The following TENM3 variants were observed in gnomAD, a reference collection of about 807,000 sequenced individuals.
TENM3 encodes the protein teneurin-3.
TENM3 carries 63 observed loss-of-function variants against 255.1 expected under a neutral mutation model. That is an observed-to-expected ratio of 0.25 (90% CI 0.20 to 0.30). The LOEUF (loss-of-function observed/expected upper bound fraction) is 0.30, where lower values mean the gene tolerates loss of function less well. Ranked by LOEUF, TENM3 falls within the 10% of genes least tolerant of loss-of-function variation. TENM3 has a pLI of 1.00. For missense variants in TENM3, 2,929 were observed against 3,461.1 expected, an observed-to-expected ratio of 0.85 and a Z score of 3.86; for synonymous variants, 1,306 against 1,322.3, an observed-to-expected ratio of 0.99 and a Z score of 0.27.
At chr4:181,583,526 G>A in the TENM3 span, among the ~76,000 whole-genome samples, 1,879 of 152,160 alleles carry the variant, frequency 0.012, 19 homozygotes, top group Non-Finnish European at 0.019. Context: ...CATTTAAACC[G>A]CCCTTGAAAA....
the TENM3 span, among the ~76,000 whole-genome samples, chr4:181,885,070 A>G: frequency 6.6e-5 from 10 of 152,252 alleles, no homozygotes; most frequent in South Asian, 8.3e-4. Flanking sequence ...TCATTGATCA[A>G]TATAACTATC....
chr4:182,601,313 AT>A (rs142717913), intron 4 of TENM3, among the ~76,000 whole-genome samples, 152 bp downstream of exon 4: 1 of 151,756 alleles, frequency 6.6e-6, no homozygotes, highest in Non-Finnish European at 1.5e-5. Flanking sequence ...GATTGTTGTG[AT>A]TTTTTTAGTT....
the TENM3 span, among the ~76,000 whole-genome samples, chr4:181,543,890 A>G: frequency 2.0e-5 from 3 of 152,246 alleles, no homozygotes; most frequent in Non-Finnish European, 2.9e-5. Flanking sequence ...TCCCATAATT[A>G]TATGTTGTTT....
At chr4:181,561,015 C>T in the TENM3 span, among the ~76,000 whole-genome samples, 2 of 152,094 alleles carry the variant, frequency 1.3e-5, no homozygotes, top group Non-Finnish European at 1.5e-5. Flanking sequence ...TGCAGTGACG[C>T]GATTTCAACT....
At chr4:182,475,200 T>C (rs1326546970) in intron 3 of TENM3, among the ~76,000 whole-genome samples, 1 of 152,192 alleles carries the variant, frequency 6.6e-6, no homozygotes, top group Non-Finnish European at 1.5e-5. Context: ...TTGGTATCTT[T>C]AAGTCGTTTC....
chr4:182,426,046 T>A (rs1480271651), intron 3 of TENM3, among the ~76,000 whole-genome samples: 1 of 128,386 alleles, frequency 7.8e-6, no homozygotes, highest in Non-Finnish European at 1.7e-5. Context: ...GAAGTAGAAA[T>A]TGGAGGTATT....
At chr4:182,778,368 G>T (rs1407945713) in intron 24 of TENM3, among the ~76,000 whole-genome samples, 1 of 152,218 alleles carries the variant, frequency 6.6e-6, no homozygotes, top group Admixed American at 6.5e-5. Flanking sequence ...CATTATGCCA[G>T]TCACATTTGC....
chr4:181,462,290 G>T, the TENM3 span, among the ~76,000 whole-genome samples: 174 of 152,166 alleles, frequency 1.1e-3, 2 homozygotes, highest in African/African-American at 4.1e-3. Context: ...AAGATCCAGG[G>T]GATGGGACCC....
At chr4:181,894,733 GAA>G in the TENM3 span, among the ~76,000 whole-genome samples, 8,948 of 137,214 alleles carry the variant, frequency 0.065, 327 homozygotes, top group African/African-American at 0.12. Context: ...GTCAGTGGCA[GAA>G]AAAAAAAAAA....
rs575456022 is a variant in TENM3, at chr4:182,800,363, C to T, written c.*12C>T. ...TCGGCAGGAGGTAACGCCCGGGCCG[C>T]GCCCGCCGAGCCGCTCACGCCCTGC... is the stretch of plus-strand genomic sequence containing the variant. On this transcript the variant is annotated 3_prime_UTR_variant, in exon 28 of 28. Transcript: ENST00000511685. 3,924 of 1,503,752 alleles carry T rather than the reference C, an allele frequency of 2.6e-3. 14 individuals carry two copies. Among genetic ancestry groups the T allele is most frequent in the Non-Finnish European group, 2.9e-3 (3,273 of 1,131,556 alleles). The allele number at this position is 1,503,752 out of a possible 1,614,324, so 93.2% of individuals were successfully genotyped here.
chr4:182,334,920 A>G (rs1200574056), intron 2 of TENM3, among the ~76,000 whole-genome samples: 1 of 152,148 alleles, frequency 6.6e-6, no homozygotes, highest in Non-Finnish European at 1.5e-5. Flanking sequence ...GAAGAGAATC[A>G]TTTTCTTATA....
rs561170405 is a variant in TENM3 at position 182,592,220 on chromosome 4, G to T, written c.512-8704G>T. 9.9e-5 allele frequency among the ~76,000 whole-genome samples: 15 copies of T among 150,868 alleles called. No individual in the cohort carries two copies. The East Asian group carries it at 1.8e-3, about 18-fold the overall frequency. On this transcript the variant is annotated intron_variant, in intron 3 of 27. Coordinates refer to ENST00000511685, the MANE Select transcript of TENM3 (RefSeq NM_001080477.4). ...TCTAATAGCTCCTGAAATGTAACCA[G>T]ATCAGGGAAGTGTTGTTACCTGAAG...
At chr4:182,177,312 CTT>C (rs1752558321) in intron 1 of TENM3, among the ~76,000 whole-genome samples, 1 of 152,028 alleles carries the variant, frequency 6.6e-6, no homozygotes, top group East Asian at 1.9e-4. Context: ...GCCCCAAACA[CTT>C]TCACTTTCTC....
intron 3 of TENM3, among the ~76,000 whole-genome samples, chr4:182,541,327 C>T (rs911274752): frequency 3.9e-5 from 6 of 152,086 alleles, no homozygotes; most frequent in Non-Finnish European, 7.4e-5. Flanking sequence ...TGTATAGAAA[C>T]GAAATATTTT....
chr4:182,576,904 C>A (rs1255151293), intron 3 of TENM3, among the ~76,000 whole-genome samples: 1 of 152,106 alleles, frequency 6.6e-6, no homozygotes, highest in Non-Finnish European at 1.5e-5. Context: ...ATGCAAATGC[C>A]GAAGCGGAAC....
intron 3 of TENM3, among the ~76,000 whole-genome samples, chr4:182,394,697 G>A (rs1311883629): frequency 6.6e-6 from 1 of 152,144 alleles, no homozygotes; most frequent in East Asian, 1.9e-4. Flanking sequence ...GAATCAAATT[G>A]ATTTTTAATT....
At chr4:181,662,498 T>C in the TENM3 span, among the ~76,000 whole-genome samples, 1 of 152,222 alleles carries the variant, frequency 6.6e-6, no homozygotes, top group Non-Finnish European at 1.5e-5. Context: ...ATGTTCCTTG[T>C]CCTTCTCTCG....
At chr4:182,273,466 G>A (rs774159391) in intron 1 of TENM3, among the ~76,000 whole-genome samples, 4 of 152,156 alleles carry the variant, frequency 2.6e-5, no homozygotes, top group South Asian at 2.1e-4. Flanking sequence ...TGATTAGGGC[G>A]AGCTATTCTT....
chr4:182,348,252 T>C (rs919635734), intron 3 of TENM3, among the ~76,000 whole-genome samples: 4 of 152,194 alleles, frequency 2.6e-5, no homozygotes, highest in Non-Finnish European at 5.9e-5. Flanking sequence ...AGGACAGTTA[T>C]TTTGATAAAA....
Sources: allele counts gnomAD v4.1 joint callset (sites outside exome capture counted in the v4.1 genomes callset), GRCh38; gene constraint gnomAD v4.1.1; transcripts MANE v1.5; gene names NCBI Gene and HGNC (gene_info 2026-07-23, HGNC 2026-07-21).